Variants in SIPA1L1 observed in about 807,000 individuals in gnomAD.
SIPA1L1 encodes signal-induced proliferation-associated 1-like protein 1.
Under a neutral mutation model 162.7 loss-of-function variants are expected in SIPA1L1, and 26 were observed. That is an observed-to-expected ratio of 0.16 (90% CI 0.12 to 0.22). The LOEUF (loss-of-function observed/expected upper bound fraction) is 0.22, where lower values mean the gene tolerates loss of function less well. Among genes scored for constraint, SIPA1L1 ranks in the 10% least tolerant of loss-of-function variants. The pLI is 1.00. For synonymous variants in SIPA1L1, 829 were observed against 837.4 expected (o/e 0.99, Z 0.17); for missense variants, 1,874 against 2,241.0 (o/e 0.84, Z 3.31).
At chr14:71,400,695 T>C (rs1476298150) in intron 2 of SIPA1L1, 3 of 151,960 alleles carry the variant, frequency 2.0e-5, no homozygotes, top group Non-Finnish European at 2.9e-5. Flanking sequence ...CATTACTGTT[T>C]TTAATTTTAA....
chr14:71,675,323 G>T (rs950321150), intron 12 of SIPA1L1, among the ~76,000 whole-genome samples: 1 of 152,196 alleles, frequency 6.6e-6, no homozygotes, highest in Non-Finnish European at 1.5e-5. Flanking sequence ...AGCCCCACCA[G>T]CCTGGAGGGA....
intron 2 of SIPA1L1, among the ~76,000 whole-genome samples, chr14:71,508,894 CT>C (rs2050889241): frequency 6.6e-6 from 1 of 152,112 alleles, no homozygotes; most frequent in African/African-American, 2.4e-5. Flanking sequence ...GCTGTAAAGA[CT>C]TTTATTCACC....
chr14:71,733,363 G>T (rs1207244815), intron 20 of SIPA1L1, among the ~76,000 whole-genome samples: 1 of 152,200 alleles, frequency 6.6e-6, no homozygotes, highest in Admixed American at 6.5e-5. Flanking sequence ...GTGCTGCCTA[G>T]GCCCTGCTGT....
chr14:71,686,991 A>C lies in SIPA1L1; in HGVS notation c.3374+1360A>C, dbSNP rs190549041. ...TCCAGTTTGGAAGCAGAGAGCAGGA[A>C]GATTTAGAAACCACACTATGAAGTC... On this transcript the variant is annotated intron_variant, in intron 13 of 23. Transcript: ENST00000381232. Among the ~76,000 whole-genome samples, 3 of 152,374 alleles carry C rather than the reference A, an allele frequency of 2.0e-5. No individual in the cohort carries two copies. The East Asian group carries it at 5.8e-4, about 29-fold the overall frequency.
At chr14:71,665,716 T>C (rs906307401) in intron 10 of SIPA1L1, among the ~76,000 whole-genome samples, 8 of 152,156 alleles carry the variant, frequency 5.3e-5, no homozygotes, top group African/African-American at 1.9e-4. Flanking sequence ...TTCCTCCTTA[T>C]CTGTTGGGGA....
intron 2 of SIPA1L1, among the ~76,000 whole-genome samples, chr14:71,363,479 A>G (rs1456403950): frequency 6.6e-6 from 1 of 151,976 alleles, no homozygotes; most frequent in African/African-American, 2.4e-5. Flanking sequence ...AAGTGAAAAC[A>G]TATTTTAGAG....
intron 2 of SIPA1L1, among the ~76,000 whole-genome samples, chr14:71,418,371 C>T (rs188838391): frequency 2.6e-4 from 40 of 151,988 alleles, no homozygotes; most frequent in Middle Eastern, 3.4e-3. Context: ...TTAAAATTTG[C>T]TAATAGTGGA....
chr14:71,645,266 A>T (rs2042060229), intron 7 of SIPA1L1, among the ~76,000 whole-genome samples: 1 of 152,130 alleles, frequency 6.6e-6, no homozygotes, highest in African/African-American at 2.4e-5. Flanking sequence ...GCCCATCTGG[A>T]TAATCCTGGC....
chr14:71,374,144 G>A (rs1255634352), intron 2 of SIPA1L1, among the ~76,000 whole-genome samples: 1 of 152,112 alleles, frequency 6.6e-6, no homozygotes, highest in Non-Finnish European at 1.5e-5. Context: ...TGGGCATATT[G>A]TATATTCTTT....
chr14:71,506,207 C>T (rs1032961178), intron 2 of SIPA1L1, among the ~76,000 whole-genome samples: 1 of 152,010 alleles, frequency 6.6e-6, no homozygotes, highest in Non-Finnish European at 1.5e-5. Flanking sequence ...GACTTGTTTC[C>T]AGATTATTTG....
At chr14:71,659,942 T>C (rs2043365236) in intron 9 of SIPA1L1, among the ~76,000 whole-genome samples, 1 of 151,764 alleles carries the variant, frequency 6.6e-6, no homozygotes, top group Non-Finnish European at 1.5e-5. Flanking sequence ...ACTTTATGCT[T>C]GGAAAAAAAA....
intron 5 of SIPA1L1, among the ~76,000 whole-genome samples, chr14:71,611,386 T>C (rs1165042337): frequency 6.7e-6 from 1 of 149,878 alleles, no homozygotes; most frequent in Non-Finnish European, 1.5e-5. Context: ...GTTGTTATTT[T>C]AATTTAATTT....
chr14:71,364,888 G>T (rs1048692717), intron 2 of SIPA1L1, among the ~76,000 whole-genome samples: 5 of 151,366 alleles, frequency 3.3e-5, no homozygotes, highest in Non-Finnish European at 7.4e-5. Flanking sequence ...CAGGACTACA[G>T]GCGCATGCCA....
At chr14:71,524,845 C>T (rs1222926782) in intron 3 of SIPA1L1, among the ~76,000 whole-genome samples, 1 of 152,216 alleles carries the variant, frequency 6.6e-6, no homozygotes, top group Non-Finnish European at 1.5e-5. Flanking sequence ...TGTCTCCATG[C>T]ATACGTTCTC....
intron 2 of SIPA1L1, among the ~76,000 whole-genome samples, chr14:71,484,776 C>G (rs747638206): frequency 1.3e-5 from 2 of 152,120 alleles, no homozygotes; most frequent in Non-Finnish European, 2.9e-5. Flanking sequence ...GTTTGGCAAC[C>G]AATATTTGAA....
intron 4 of SIPA1L1, among the ~76,000 whole-genome samples, chr14:71,562,390 T>C (rs1349706512): frequency 6.6e-6 from 1 of 152,210 alleles, no homozygotes. Context: ...TATTATTAAA[T>C]GCTTACTTTG....
intron 3 of SIPA1L1, among the ~76,000 whole-genome samples, chr14:71,522,293 C>T (rs1194767781): frequency 1.3e-5 from 2 of 152,030 alleles, no homozygotes; most frequent in Non-Finnish European, 2.9e-5. Flanking sequence ...ACTTTTATGT[C>T]TCTTGGTATT....
chr14:71,652,709 G>A (rs1266069960), intron 8 of SIPA1L1, among the ~76,000 whole-genome samples: 1 of 147,996 alleles, frequency 6.8e-6, no homozygotes, highest in Non-Finnish European at 1.5e-5. Flanking sequence ...AAAGCTCCTT[G>A]TGTTTTTCTT....
At chr14:71,636,493 T>C (rs2041164545) in intron 7 of SIPA1L1, among the ~76,000 whole-genome samples, 1 of 152,020 alleles carries the variant, frequency 6.6e-6, no homozygotes, top group South Asian at 2.1e-4. Flanking sequence ...GTATGTAAAC[T>C]GAATGGAAAG....
Sources: allele counts gnomAD v4.1 joint callset (sites outside exome capture counted in the v4.1 genomes callset), GRCh38; gene constraint gnomAD v4.1.1; transcripts MANE v1.5; gene names NCBI Gene and HGNC (gene_info 2026-07-23, HGNC 2026-07-21).